The following DST variants were observed in gnomAD, a reference collection of about 807,000 sequenced individuals.
DST encodes bullous pemphigoid antigen.
DST carries 253 observed loss-of-function variants against 875.2 expected under a neutral mutation model. The ratio of observed to expected loss-of-function variants is 0.29; its 90% CI spans 0.26 to 0.32. DST has a LOEUF of 0.32. Ranked by LOEUF, DST falls within the 10% of genes least tolerant of loss-of-function variation. The pLI, the probability that DST is intolerant of heterozygous loss-of-function variation, is 1.00. For synonymous variants in DST, 3,124 were observed against 3,197.1 expected (o/e 0.98, Z 0.77); for missense variants, 8,287 against 9,111.6 (o/e 0.91, Z 3.68).
intron 86 of DST, among the ~76,000 whole-genome samples, chr6:56,488,076 G>C (rs1261431195): frequency 6.6e-6 from 1 of 151,984 alleles, no homozygotes; most frequent in African/African-American, 2.4e-5. Flanking sequence ...AACTACATCT[G>C]GAAATTTCTA....
intron 68 of DST, 66 bp downstream of exon 68, chr6:56,527,427 T>C (rs2096823217): frequency 3.3e-6 from 5 of 1,530,474 alleles, no homozygotes; most frequent in Non-Finnish European, 4.4e-6. Flanking sequence ...TATAATTTTA[T>C]TTTTGTGTGA....
At chr6:56,678,833 C>A (rs989440864) in intron 9 of DST, among the ~76,000 whole-genome samples, 1 of 152,216 alleles carries the variant, frequency 6.6e-6, no homozygotes, top group Non-Finnish European at 1.5e-5. Flanking sequence ...GCTTTACTAA[C>A]GGGCCTTTGT....
chr6:56,879,448 G>A (rs1338249992), intron 3 of DST, among the ~76,000 whole-genome samples: 1 of 150,374 alleles, frequency 6.7e-6, no homozygotes, highest in African/African-American at 2.5e-5. Context: ...TCCACCCTGG[G>A]AGACAGAGCG....
chr6:56,883,296 C>T (rs1314993841), intron 3 of DST, among the ~76,000 whole-genome samples: 1 of 152,146 alleles, frequency 6.6e-6, no homozygotes, highest in South Asian at 2.1e-4. Context: ...GAAGAATATG[C>T]CTATATAATT....
chr6:56,796,462 G>A (rs1336026302), intron 4 of DST, among the ~76,000 whole-genome samples: 1 of 152,170 alleles, frequency 6.6e-6, no homozygotes, highest in African/African-American at 2.4e-5. Context: ...TGAGCTAAAT[G>A]TTCTTCTTCC....
intron 5 of DST, among the ~76,000 whole-genome samples, chr6:56,707,157 G>A (rs914596956): frequency 1.3e-5 from 2 of 152,190 alleles, no homozygotes; most frequent in Admixed American, 6.5e-5. Context: ...GCCATGGACC[G>A]GACCAGTACC....
At chr6:56,871,174 T>C in intron 3 of DST, 1 of 725,290 alleles carries the variant, frequency 1.4e-6, no homozygotes, top group Non-Finnish European at 2.5e-6. Flanking sequence ...CTAAGTGGCC[T>C]GAGGTAGTCT....
Position 56,954,748 on chromosome 6 carries a change from C to T in DST, c.-161G>A. ...CGCCCAGCCCAATGGCTGCGCACCC[C>T]GCGCCAGCCGCGCTACGCGAGTGAT... is the stretch of plus-strand genomic sequence containing the variant. On this transcript the variant is annotated 5_prime_UTR_variant, in exon 1 of 104. Transcript: ENST00000680361. The T allele has an allele frequency of 4.7e-6, 1 of 213,356 alleles. No homozygotes were observed. Among genetic ancestry groups the T allele is most frequent in the Non-Finnish European group, 8.3e-6 (1 of 120,466 alleles). 13.2% of individuals were successfully genotyped at this position (213,356 alleles called of 1,614,324 possible). A position where few individuals can be genotyped will look rare whatever the true frequency, so the allele number is the denominator to read the frequency against.
intron 10 of DST, among the ~76,000 whole-genome samples, chr6:56,669,927 C>T (rs1203728085): frequency 5.3e-5 from 8 of 152,150 alleles, no homozygotes; most frequent in Admixed American, 1.3e-4. Flanking sequence ...AAACTATTTA[C>T]CACCCCAAAA....
In DST at chr6:56,534,580, C is replaced by T. The variant is rs145265755; in HGVS notation, c.16941+542G>A. 1.1e-3 allele frequency among the ~76,000 whole-genome samples: 162 copies of T among 152,268 alleles called. 1 individual carries two copies. In the East Asian group the frequency reaches 0.029, roughly 27 times the overall value. On this transcript the variant is annotated intron_variant, in intron 63 of 103. Transcript: ENST00000680361. Reference sequence around the variant, plus strand: ...TAGTAATAGGTGGAACCAAAAGAAGCTGTCAATATTTAATATATAAAAAGA... The same window carrying T: ...TAGTAATAGGTGGAACCAAAAGAAGTTGTCAATATTTAATATATAAAAAGA...
chr6:56,598,108 G>C (rs1296521578), intron 46 of DST, 102 bp from the exon 47 acceptor site: 3 of 1,159,948 alleles, frequency 2.6e-6, no homozygotes, highest in Non-Finnish European at 3.4e-6. Context: ...ATTAGAATGA[G>C]GGTACTAAAA....
At position 56,552,672 on chromosome 6, in the gene DST, A is replaced by C; in HGVS notation, c.16120T>G (p.Cys5374Gly). 6.2e-7 allele frequency: 1 copy of C among 1,613,866 alleles called. No individual in the cohort carries two copies. The highest frequency in any genetic ancestry group is 8.5e-7 in the Non-Finnish European group (1 of 1,179,894). ...STLSQQVDEKCSFLETKLQGI... is the reference protein window; with the variant it reads ...STLSQQVDEKGSFLETKLQGI... ...TGAAGCTTGGTTTCTAAGAAAGAAC[A>C]CTTTTCATCAACCTGCTGACTTAGT... Residue 5374 changes from cysteine to glycine, a missense_variant, in exon 61 of 104, where the codon TGT (cysteine) becomes GGT (glycine). Physicochemically the swap from Cys to Gly is radical, Grantham distance 159. Transcript: ENST00000680361.
intron 40 of DST, 59 bp from the exon 41 acceptor site, chr6:56,603,772 T>C (rs1157988211): frequency 1.3e-6 from 2 of 1,576,436 alleles, no homozygotes; most frequent in Non-Finnish European, 1.7e-6. Context: ...TTAAAGCAAA[T>C]GTATGGGATT....
chr6:56,788,925 G>A (rs2099710406), intron 4 of DST, among the ~76,000 whole-genome samples: 1 of 152,140 alleles, frequency 6.6e-6, no homozygotes, highest in Non-Finnish European at 1.5e-5. Flanking sequence ...TGGAATTTCA[G>A]AGTCAACATG....
intron 5 of DST, among the ~76,000 whole-genome samples, chr6:56,721,635 T>A (rs2099417044): frequency 6.6e-6 from 1 of 152,232 alleles, no homozygotes. Context: ...GTCTAAGTAG[T>A]AAAGCAATAT....
At position 56,614,445 on chromosome 6, in the gene DST, C is replaced by G. The variant is rs1317672853; in HGVS notation, c.4969G>C (p.Ala1657Pro). Reference sequence around the variant, plus strand: ...GATACCCATTTTTGCAATTCTTTGGCTTTTTCAACATGTTCTTTCTTTTCT... The same window carrying G: ...GATACCCATTTTTGCAATTCTTTGGGTTTTTCAACATGTTCTTTCTTTTCT... The part of the protein sequence containing the change: ...EEEKKEHVEK[A>P]KELQKWVSNI... The change falls in exon 37 of 104, where the codon GCC becomes CCC. Residue 1657 changes from alanine (A) to proline (P), a missense_variant. By Grantham distance (27) the Ala-to-Pro change is conservative. Coordinates refer to ENST00000680361, the MANE Select transcript of DST (RefSeq NM_001374736.1). The G allele has an allele frequency of 6.2e-7, 1 of 1,608,550 alleles. No homozygotes were observed. Among genetic ancestry groups the G allele is most frequent in the African/African-American group, 1.3e-5 (1 of 74,700 alleles).
At chr6:56,462,829 T>A (rs1349229004) in intron 102 of DST, among the ~76,000 whole-genome samples, 2 of 152,226 alleles carry the variant, frequency 1.3e-5, no homozygotes, top group Admixed American at 6.5e-5. Flanking sequence ...CTGGGTCAAA[T>A]TGACACTGTT....
At chr6:56,611,123 G>A (rs114300324) in intron 38 of DST, among the ~76,000 whole-genome samples, 3,833 of 152,152 alleles carry the variant, frequency 0.025, 76 homozygotes, top group Non-Finnish European at 0.042. Flanking sequence ...TATGAGAAAC[G>A]AGGCTGCCAT....
At chr6:56,950,818 A>G (rs1249773635) in intron 2 of DST, among the ~76,000 whole-genome samples, 2 of 152,356 alleles carry the variant, frequency 1.3e-5, no homozygotes, top group African/African-American at 4.8e-5. Flanking sequence ...GACTACTAAA[A>G]AGCTAGTAAA....
Sources: gnomAD v4.1 joint callset for allele counts (sites outside exome capture counted in the v4.1 genomes callset) on GRCh38, gnomAD v4.1.1 for gene constraint, MANE v1.5 for transcripts, NCBI Gene and HGNC (gene_info 2026-07-23, HGNC 2026-07-21) for gene names.